The following KDM6A variants were observed in gnomAD, a reference collection of about 807,000 sequenced individuals.
KDM6A encodes the protein lysine demethylase 6A, also known as lysine-specific demethylase 6A.
KDM6A carries 11 observed loss-of-function variants against 117.6 expected under a neutral mutation model. The ratio of observed to expected loss-of-function variants is 0.09; its 90% confidence interval spans 0.06 to 0.15. KDM6A has a LOEUF of 0.15. Among genes scored for constraint, KDM6A ranks in the 10% least tolerant of loss-of-function variants. The pLI is 1.00. For missense variants in KDM6A, 799 were observed against 1,077.3 expected (o/e 0.74, Z 3.62); for synonymous variants, 384 against 396.1 (o/e 0.97, Z 0.36).
At chrX:45,016,416 T>C (rs1174264853) in intron 5 of KDM6A, among the ~76,000 whole-genome samples, 1 of 111,642 alleles carries the variant, frequency 9.0e-6, no homozygotes, top group African/African-American at 3.3e-5. Flanking sequence ...GTTCAGCCTG[T>C]TAGCCTCAGA....
chrX:45,064,890 C>T (rs2044462076), intron 17 of KDM6A, among the ~76,000 whole-genome samples: 1 of 111,638 alleles, frequency 9.0e-6, no homozygotes, highest in African/African-American at 3.3e-5. Flanking sequence ...ATACTGAGTA[C>T]CTACTAGGTT....
At chrX:45,040,189 G>A (rs1281816433) in intron 8 of KDM6A, among the ~76,000 whole-genome samples, 1 of 91,893 alleles carries the variant, frequency 1.1e-5, no homozygotes, top group Non-Finnish European at 2.2e-5. Context: ...AGGCAGAGGG[G>A]CTCCTTACTT....
At chrX:45,057,133 C>G (rs1232180342) in intron 10 of KDM6A, among the ~76,000 whole-genome samples, 3 of 111,544 alleles carry the variant, frequency 2.7e-5, no homozygotes, top group African/African-American at 9.8e-5. Context: ...TTTACAGCCT[C>G]TCTTCCATAT....
At chrX:44,911,820 C>T (rs2035200370) in intron 2 of KDM6A, among the ~76,000 whole-genome samples, 1 of 112,057 alleles carries the variant, frequency 8.9e-6, no homozygotes, top group Admixed American at 9.3e-5. Flanking sequence ...GGGTTAGGAG[C>T]TGGAGACCAG....
chrX:44,945,842 T>G (rs1290743257), intron 2 of KDM6A, among the ~76,000 whole-genome samples: 1 of 111,566 alleles, frequency 9.0e-6, no homozygotes, highest in Non-Finnish European at 1.9e-5. Flanking sequence ...TAATGAGAGA[T>G]ACTTAAATTT....
intron 27 of KDM6A, among the ~76,000 whole-genome samples, chrX:45,104,564 AT>A (rs1202043880): frequency 9.0e-6 from 1 of 111,267 alleles, no homozygotes; most frequent in Non-Finnish European, 1.9e-5. Context: ...TTTGCTTTCT[AT>A]TTTTCCCTAT....
chrX:45,054,337 T>C (rs2043977615), intron 10 of KDM6A, among the ~76,000 whole-genome samples: 3 of 111,822 alleles, frequency 2.7e-5, no homozygotes, highest in African/African-American at 6.5e-5. Context: ...CTCATCTGCC[T>C]GATGACTACT....
chrX:45,078,668 T>G (rs1395405081), intron 20 of KDM6A, among the ~76,000 whole-genome samples, 163 bp downstream of exon 20: 1 of 109,525 alleles, frequency 9.1e-6, no homozygotes, highest in Non-Finnish European at 1.9e-5. Flanking sequence ...AGAGAGAGTG[T>G]GTGTATCACT....
chrX:44,989,852 G>C, intron 4 of KDM6A, among the ~76,000 whole-genome samples: 1 of 111,877 alleles, frequency 8.9e-6, no homozygotes, highest in South Asian at 3.8e-4. Context: ...CTAGAGCAGA[G>C]GTCCACAGAC....
intron 2 of KDM6A, among the ~76,000 whole-genome samples, chrX:44,955,145 C>T (rs2038254130): frequency 9.0e-6 from 1 of 111,719 alleles, no homozygotes; most frequent in African/African-American, 3.3e-5. Context: ...ATTTCTTCTT[C>T]CTTCTTTGTC....
chrX:44,915,670 C>A lies in KDM6A; in HGVS notation c.225+41683C>A, dbSNP rs190429914. Among the ~76,000 whole-genome samples the A allele has an allele frequency of 8.1e-5, 9 of 111,430 alleles. No individual in the cohort carries two copies. The East Asian group carries it at 2.6e-3, about 32-fold the overall frequency. ...GTAGCATGATGAAATCTCGCACTGT[C>A]CTGCCTAGGAGGTGAATTATCCCTT... On this transcript the variant is annotated intron_variant, in intron 2 of 29. Transcript: ENST00000611820.
At chrX:44,942,187 A>G (rs749497914) in intron 2 of KDM6A, among the ~76,000 whole-genome samples, 3 of 110,026 alleles carry the variant, frequency 2.7e-5, no homozygotes, top group Non-Finnish European at 5.7e-5. Context: ...GGTGCGCGCC[A>G]CCACGCCCAG....
intron 4 of KDM6A, among the ~76,000 whole-genome samples, chrX:44,986,376 A>AT (rs1221178733): frequency 3.6e-5 from 4 of 110,972 alleles, no homozygotes; most frequent in Non-Finnish European, 7.6e-5. Flanking sequence ...GGATTCATTG[A>AT]TTTTTTTGAA....
At chrX:44,938,149 G>A (rs978797208) in intron 2 of KDM6A, among the ~76,000 whole-genome samples, 1 of 111,212 alleles carries the variant, frequency 9.0e-6, no homozygotes, top group Non-Finnish European at 1.9e-5. Flanking sequence ...TCGTAGAGAT[G>A]GGGTCTTGCT....
At chrX:44,916,234 C>T (rs901469756) in intron 2 of KDM6A, among the ~76,000 whole-genome samples, 8 of 110,632 alleles carry the variant, frequency 7.2e-5, no homozygotes, top group African/African-American at 2.6e-4. Context: ...TGCCCTTTTT[C>T]CCATAAAGGA....
intron 4 of KDM6A, among the ~76,000 whole-genome samples, chrX:45,009,107 A>T (rs1002346132): frequency 1.8e-5 from 2 of 112,286 alleles, no homozygotes; most frequent in South Asian, 7.3e-4. Context: ...GTTGGATCTC[A>T]CGCAAGAAAG....
At chrX:44,926,528 C>T (rs1159215842) in intron 2 of KDM6A, among the ~76,000 whole-genome samples, 1 of 111,432 alleles carries the variant, frequency 9.0e-6, no homozygotes, top group Admixed American at 9.6e-5. Flanking sequence ...TATAATCTTA[C>T]ATGTTATTTT....
At chrX:45,000,355 A>G (rs1179500837) in intron 4 of KDM6A, among the ~76,000 whole-genome samples, 3 of 112,189 alleles carry the variant, frequency 2.7e-5, no homozygotes, top group African/African-American at 9.8e-5. Flanking sequence ...TTGCGTCTAA[A>G]TAGACATGAG....
At chrX:45,095,829 G>A (rs1484996670) in intron 27 of KDM6A, among the ~76,000 whole-genome samples, 1 of 112,139 alleles carries the variant, frequency 8.9e-6, no homozygotes, top group Non-Finnish European at 1.9e-5. Context: ...AGGCACTAAT[G>A]TACACTTTCT....
Sources: gnomAD v4.1 joint callset for allele counts (sites outside exome capture counted in the v4.1 genomes callset) on GRCh38, gnomAD v4.1.1 for gene constraint, MANE v1.5 for transcripts, NCBI Gene and HGNC (gene_info 2026-07-23, HGNC 2026-07-21) for gene names.